PKP1: variants seen among roughly 807,000 people sequenced by gnomAD.
PKP1 encodes the protein plakophilin 1.
PKP1 carries 27 observed loss-of-function variants against 76.4 expected under a neutral mutation model. The observed-to-expected ratio is 0.35, with a 90% CI of 0.26 to 0.49. PKP1 has a LOEUF of 0.49. PKP1 is among the 20% of genes least tolerant of loss of function. The probability of loss-of-function intolerance (pLI) is 0.99; values close to 1 mark genes in which losing one functional copy is unlikely to be tolerated. For synonymous variants in PKP1, 404 were observed against 384.2 expected (o/e 1.05, Z -0.60); for missense variants, 964 against 955.2 (o/e 1.01, Z -0.12).
At chr1:201,302,659 A>T (rs1558186059) in intron 2 of PKP1, among the ~76,000 whole-genome samples, 1 of 152,196 alleles carries the variant, frequency 6.6e-6, no homozygotes, top group Non-Finnish European at 1.5e-5. Context: ...GAGCAAACTC[A>T]GCTGAAAACA....
At chr1:201,292,041 T>A (rs1203913502) in intron 1 of PKP1, among the ~76,000 whole-genome samples, 1 of 152,032 alleles carries the variant, frequency 6.6e-6, no homozygotes, top group Non-Finnish European at 1.5e-5. Context: ...CATGGCAGAG[T>A]CCCAGGATGT....
intron 1 of PKP1, 75 bp downstream of exon 1, chr1:201,283,979 C>G: frequency 7.5e-7 from 1 of 1,342,158 alleles, no homozygotes. Flanking sequence ...GACCAAGAGA[C>G]GCACGCATCC....
At chr1:201,298,996 T>A (rs1300352477) in intron 2 of PKP1, among the ~76,000 whole-genome samples, 1 of 152,124 alleles carries the variant, frequency 6.6e-6, no homozygotes, top group Non-Finnish European at 1.5e-5. Flanking sequence ...CCCAGGTTGG[T>A]GGTTCACCCT....
chr1:201,306,577 T>G (rs1656373138), intron 2 of PKP1, among the ~76,000 whole-genome samples: 1 of 152,278 alleles, frequency 6.6e-6, no homozygotes, highest in African/African-American at 2.4e-5. Flanking sequence ...GATTGAAGTA[T>G]GCTCACAGTT....
At chr1:201,304,601 AAAG>A (rs1271913117) in intron 2 of PKP1, among the ~76,000 whole-genome samples, 1 of 152,218 alleles carries the variant, frequency 6.6e-6, no homozygotes, top group Admixed American at 6.5e-5. Flanking sequence ...CAGTTGGCTC[AAAG>A]AAGAAGGGCT....
At chr1:201,320,019 A>G (rs760806863) in intron 6 of PKP1, 34 of 888,176 alleles carry the variant, frequency 3.8e-5, no homozygotes, top group East Asian at 3.2e-4. Flanking sequence ...GCCAGGCGGA[A>G]TTGGCTAAAT....
At chr1:201,316,255 C>T (rs1036953001) in intron 3 of PKP1, 1 of 358,544 alleles carries the variant, frequency 2.8e-6, no homozygotes. Context: ...AGCTTCCCCT[C>T]AGGGAATAGG....
intron 2 of PKP1, among the ~76,000 whole-genome samples, chr1:201,309,703 T>G (rs1656479087): frequency 6.6e-6 from 1 of 152,144 alleles, no homozygotes; most frequent in South Asian, 2.1e-4. Flanking sequence ...GCACTGCCCG[T>G]GCATCCTCTT....
chr1:201,328,662 G>A, intron 12 of PKP1, 100 bp from the exon 13 acceptor site: 1 of 1,004,820 alleles, frequency 1.0e-6, no homozygotes, highest in Non-Finnish European at 1.6e-6. Flanking sequence ...GAGAGGCTGT[G>A]TGAGCCGAGG....
intron 2 of PKP1, among the ~76,000 whole-genome samples, chr1:201,301,312 C>T (rs773163435): frequency 2.6e-5 from 4 of 152,216 alleles, no homozygotes; most frequent in Non-Finnish European, 4.4e-5. Context: ...GCCCAGGATG[C>T]GATCAGCAGC....
chr1:201,289,376 T>C (rs898080513), intron 1 of PKP1, among the ~76,000 whole-genome samples: 1 of 152,130 alleles, frequency 6.6e-6, no homozygotes, highest in Admixed American at 6.5e-5. Flanking sequence ...GAAGGACAGG[T>C]GGGCTTTATT....
rs368718493 is a variant in PKP1, at chr1:201,317,614, C to T, written c.889C>T (p.Arg297Cys). ...GGICKLVDLLRSPNQNVQQAA... is the reference protein window; with the variant it reads ...GGICKLVDLLCSPNQNVQQAA... ...CATCTGCAAGCTGGTGGACCTCCTC[C>T]GCAGCCCCAACCAGAACGTCCAGCA... The change falls in exon 5 of 14, where the codon CGC (arginine) becomes TGC (cysteine). Residue 297 changes from arginine (R) to cysteine (C), a missense_variant. By Grantham distance (180) the Arg-to-Cys change is radical (BLOSUM62 -3). Transcript: ENST00000367324. 1.1e-5 allele frequency: 18 copies of T among 1,613,924 alleles called. No individual in the cohort carries two copies. Among genetic ancestry groups the T allele is most frequent in the African/African-American group, 2.7e-5 (2 of 74,908 alleles).
chr1:201,294,058 T>C lies in PKP1; in HGVS notation c.306+13T>C, dbSNP rs755554965. The C allele has an allele frequency of 1.9e-6, 3 of 1,560,134 alleles. No individual in the cohort carries two copies. The South Asian group carries it at 3.3e-5, about 17-fold the overall frequency. On this transcript the variant is annotated intron_variant, in intron 2 of 13. Coordinates refer to ENST00000367324, the MANE Select transcript of PKP1 (RefSeq NM_001005337.3). ...ATGGGGATATCCGGTAAGGAACTGC[T>C]TCCATCCTAAAAGACCTGGAGTACT...
At chr1:201,327,903 C>G (rs750925313) in intron 12 of PKP1, among the ~76,000 whole-genome samples, 3 of 152,184 alleles carry the variant, frequency 2.0e-5, no homozygotes, top group Non-Finnish European at 4.4e-5. Flanking sequence ...TTCAGTGAGT[C>G]AGGGCATGAG....
chr1:201,324,648 T>C, intron 10 of PKP1, 67 bp downstream of exon 10: 2 of 1,574,282 alleles, frequency 1.3e-6, no homozygotes, highest in Non-Finnish European at 1.7e-6. Flanking sequence ...TCAAGCCTGC[T>C]TGAAGGTCAT....
chr1:201,304,144 C>T (rs751099620), intron 2 of PKP1, among the ~76,000 whole-genome samples: 15 of 152,180 alleles, frequency 9.9e-5, no homozygotes, highest in Admixed American at 3.9e-4. Context: ...CTAATCAGCT[C>T]TCAGGAGGCC....
chr1:201,320,950 T>C lies in PKP1; in HGVS notation c.1347+569T>C, dbSNP rs545496626. Among the ~76,000 whole-genome samples, 3 of 152,288 alleles carry C rather than the reference T, an allele frequency of 2.0e-5. No individual in the cohort carries two copies. In the East Asian group the frequency reaches 5.8e-4, roughly 29 times the overall value. On this transcript the variant is annotated intron_variant, in intron 7 of 13. Coordinates refer to ENST00000367324, the MANE Select transcript of PKP1 (RefSeq NM_001005337.3). Reference sequence around the variant, plus strand: ...AGTCATCTTGCTGCCCTCTCTGGACTTCTGGACACACAGCACAGACAAACA... The same window carrying C: ...AGTCATCTTGCTGCCCTCTCTGGACCTCTGGACACACAGCACAGACAAACA...
chr1:201,297,252 T>C (rs992782358), intron 2 of PKP1, among the ~76,000 whole-genome samples: 3 of 152,152 alleles, frequency 2.0e-5, no homozygotes, highest in Non-Finnish European at 4.4e-5. Context: ...AAGAAAGTCA[T>C]TGGCCCAGTC....
chr1:201,320,411 C>T lies in PKP1; in HGVS notation c.1347+30C>T, dbSNP rs371287198. On this transcript the variant is annotated intron_variant, in intron 7 of 13. Coordinates refer to ENST00000367324, the MANE Select transcript of PKP1 (RefSeq NM_001005337.3). ...GTGCATCCCCTGGTGGCACCCTGAC[C>T]CCTAGGCCCAGCCCCCTACATTTTC... The T allele has an allele frequency of 3.0e-5, 43 of 1,421,272 alleles. No homozygotes were observed. In the African/African-American group the frequency reaches 5.3e-4, roughly 18 times the overall value. The allele number at this position is 1,421,272 out of a possible 1,614,324, so 88.0% of individuals were successfully genotyped here.
Sources: gnomAD v4.1 joint callset for allele counts (sites outside exome capture counted in the v4.1 genomes callset) on GRCh38, gnomAD v4.1.1 for gene constraint, MANE v1.5 for transcripts, NCBI Gene and HGNC (gene_info 2026-07-23, HGNC 2026-07-21) for gene names.